GABRG3: variants seen among roughly 807,000 people sequenced by gnomAD.
GABRG3 encodes the protein gamma-aminobutyric acid type A receptor subunit gamma3, also known as gamma-aminobutyric acid receptor subunit gamma-3.
In GABRG3, 25 loss-of-function variants were observed where a neutral mutation model predicts 48.8. The observed-to-expected ratio is 0.51, with a 90% CI of 0.37 to 0.72. The LOEUF (loss-of-function observed/expected upper bound fraction) is 0.72. Among genes scored for constraint, GABRG3 ranks in the 30% least tolerant of loss-of-function variants. GABRG3 has a pLI of 0.00. For synonymous variants in GABRG3, 227 were observed against 217.6 expected, an observed-to-expected ratio of 1.04 and a Z score of -0.38; for missense variants, 394 against 577.9, an observed-to-expected ratio of 0.68 and a Z score of 3.26.
chr15:27,301,574 A>C (rs542794656), intron 3 of GABRG3, among the ~76,000 whole-genome samples: 19 of 152,154 alleles, frequency 1.2e-4, no homozygotes, highest in Non-Finnish European at 2.6e-4. Flanking sequence ...ATTGTTCATT[A>C]TATCATTATG....
At chr15:27,441,528 G>A (rs1044123813) in intron 5 of GABRG3, among the ~76,000 whole-genome samples, 1 of 152,218 alleles carries the variant, frequency 6.6e-6, no homozygotes, top group Admixed American at 6.5e-5. Context: ...AGAGGAGCAT[G>A]ATGATCAATC....
chr15:27,132,382 A>C (rs1025479216), intron 3 of GABRG3, among the ~76,000 whole-genome samples: 2 of 150,974 alleles, frequency 1.3e-5, no homozygotes, highest in African/African-American at 4.9e-5. Context: ...CAATTTATTG[A>C]AGAGAATTCT....
chr15:26,975,338 A>G lies in GABRG3; in HGVS notation c.54-1664A>G, dbSNP rs1894920557. Reference sequence around the variant, plus strand: ...GAATATCCAATGTGCATAAAAATCAACAGCAATTTATAGTTTCTATGGATG... The same window carrying G: ...GAATATCCAATGTGCATAAAAATCAGCAGCAATTTATAGTTTCTATGGATG... On this transcript the variant is annotated intron_variant, in intron 1 of 9. Transcript: ENST00000615808. This position sits in a 1 kb window ranked among gnomAD's most constrained non-coding sequence, Gnocchi z 4.6. Among the ~76,000 whole-genome samples, 1 of 152,232 alleles carries G rather than the reference A, an allele frequency of 6.6e-6. No homozygotes were observed. Among genetic ancestry groups the G allele is most frequent in the Admixed American group, 6.5e-5 (1 of 15,282 alleles).
chr15:27,301,391 A>G (rs1006249970), intron 3 of GABRG3, among the ~76,000 whole-genome samples: 1 of 152,112 alleles, frequency 6.6e-6, no homozygotes, highest in Non-Finnish European at 1.5e-5. Context: ...AATATCTGTG[A>G]ATATACTACA....
chr15:27,002,603 T>C (rs918331223), intron 2 of GABRG3, among the ~76,000 whole-genome samples: 2 of 151,920 alleles, frequency 1.3e-5, no homozygotes, highest in South Asian at 4.1e-4. Flanking sequence ...CGGAATAGTA[T>C]AAAAACTAGA....
At chr15:27,336,237 G>GAA (rs1185008383) in intron 5 of GABRG3, among the ~76,000 whole-genome samples, 13 of 143,420 alleles carry the variant, frequency 9.1e-5, no homozygotes, top group African/African-American at 3.0e-4. Flanking sequence ...AGAGAGAGGA[G>GAA]AAGAAAAGAA....
intron 2 of GABRG3, among the ~76,000 whole-genome samples, chr15:27,019,463 C>A (rs1379301357): frequency 6.6e-6 from 1 of 152,152 alleles, no homozygotes; most frequent in Admixed American, 6.5e-5. Flanking sequence ...TGCAGAATCC[C>A]AGTTAAGTCA....
chr15:27,521,831 G>C (rs1891167284), intron 7 of GABRG3, among the ~76,000 whole-genome samples: 1 of 151,900 alleles, frequency 6.6e-6, no homozygotes, highest in Non-Finnish European at 1.5e-5. Context: ...AGGAATAAAA[G>C]ATTAAAAAGA....
chr15:27,307,772 A>AAAATAAACC (rs1892694301), intron 3 of GABRG3, among the ~76,000 whole-genome samples: 1 of 113,432 alleles, frequency 8.8e-6, no homozygotes, highest in East Asian at 2.5e-4. Flanking sequence ...AAATAAACAT[A>AAAATAAACC]TGTTTATATA....
chr15:27,304,783 T>C (rs1892337413), intron 3 of GABRG3, among the ~76,000 whole-genome samples: 2 of 152,012 alleles, frequency 1.3e-5, no homozygotes, highest in African/African-American at 4.8e-5. Context: ...TGCCAAGTGA[T>C]ATAATGTATT....
intron 6 of GABRG3, among the ~76,000 whole-genome samples, chr15:27,517,365 C>T (rs1343140411): frequency 6.6e-6 from 1 of 152,250 alleles, no homozygotes; most frequent in Non-Finnish European, 1.5e-5. Context: ...CTGCCTCCCT[C>T]CTGCAAAGCA....
chr15:27,475,262 C>A (rs1000155019), intron 5 of GABRG3, among the ~76,000 whole-genome samples: 1 of 152,160 alleles, frequency 6.6e-6, no homozygotes, highest in Admixed American at 6.5e-5. Flanking sequence ...TATACTCTGT[C>A]TCTTCCTTAT....
At chr15:27,001,359 G>C (rs557938107) in intron 2 of GABRG3, among the ~76,000 whole-genome samples, 31 of 152,332 alleles carry the variant, frequency 2.0e-4, no homozygotes, top group African/African-American at 7.2e-4. Flanking sequence ...AGGTGGGCCA[G>C]TGGAGCCACT....
At chr15:27,129,713 G>T (rs865983472) in intron 3 of GABRG3, among the ~76,000 whole-genome samples, 1,505 of 142,694 alleles carry the variant, frequency 0.011, 22 homozygotes, top group African/African-American at 0.036. Context: ...TTTCTGTTTT[G>T]TTTTTTTTTT....
intron 3 of GABRG3, among the ~76,000 whole-genome samples, chr15:27,104,223 C>T (rs1416646514): frequency 3.3e-5 from 5 of 152,194 alleles, no homozygotes. Context: ...AAAACAATTT[C>T]ACTAATTTTA....
intron 6 of GABRG3, among the ~76,000 whole-genome samples, chr15:27,518,043 A>G (rs1891064432): frequency 6.6e-6 from 1 of 152,006 alleles, no homozygotes; most frequent in Non-Finnish European, 1.5e-5. Flanking sequence ...CTCCCTGTCA[A>G]TCTTTTAAGT....
intron 2 of GABRG3, among the ~76,000 whole-genome samples, chr15:26,994,234 T>G (rs562146130): frequency 2.6e-5 from 4 of 152,034 alleles, no homozygotes; most frequent in Non-Finnish European, 5.9e-5. Context: ...GGGACTTACT[T>G]ATGCTGTTTT....
At chr15:27,422,108 G>C (rs1888138097) in intron 5 of GABRG3, among the ~76,000 whole-genome samples, 1 of 150,390 alleles carries the variant, frequency 6.6e-6, no homozygotes, top group African/African-American at 2.4e-5. Context: ...ATATCCATGG[G>C]AGTGGGCTGC....
chr15:27,445,194 C>G (rs754780729), intron 5 of GABRG3, among the ~76,000 whole-genome samples: 17 of 152,254 alleles, frequency 1.1e-4, no homozygotes, highest in Non-Finnish European at 1.8e-4. Flanking sequence ...TTTATGTAGA[C>G]ATGTTTTTAT....
Sources: allele counts gnomAD v4.1 joint callset (sites outside exome capture counted in the v4.1 genomes callset), GRCh38; gene constraint gnomAD v4.1.1; non-coding constraint Gnocchi (gnomAD v3.1); transcripts MANE v1.5; gene names NCBI Gene and HGNC (gene_info 2026-07-23, HGNC 2026-07-21).